GABRG1: variants seen among roughly 807,000 people sequenced by gnomAD.
The protein encoded by GABRG1 is gamma-aminobutyric acid type A receptor subunit gamma1, also known as gamma-aminobutyric acid receptor subunit gamma-1.
Under a neutral mutation model 49.8 loss-of-function variants are expected in GABRG1, and 49 were observed. The observed-to-expected ratio is 0.98, with a 90% CI of 0.78 to 1.25. The LOEUF is 1.25. Ranked by LOEUF, GABRG1 falls within the 50% of genes most tolerant of loss-of-function variation. GABRG1 has a pLI of 0.00. For synonymous variants in GABRG1, 232 were observed against 185.1 expected, an observed-to-expected ratio of 1.25 and a Z score of -2.06; for missense variants, 552 against 552.3, an observed-to-expected ratio of 1.00 and a Z score of 0.01.
At chr4:46,082,018 A>G (rs1577653825) in intron 3 of GABRG1, among the ~76,000 whole-genome samples, 1 of 151,960 alleles carries the variant, frequency 6.6e-6, no homozygotes, top group East Asian at 1.9e-4. Context: ...TGGCAACCCT[A>G]GTGAACAAAT....
chr4:46,118,719 A>G (rs1721008461), intron 1 of GABRG1, among the ~76,000 whole-genome samples: 3 of 151,226 alleles, frequency 2.0e-5, no homozygotes, highest in African/African-American at 7.3e-5. Flanking sequence ...TACTGAATGA[A>G]TTAATAGCTA....
At chr4:46,114,743 T>C (rs917347658) in intron 1 of GABRG1, among the ~76,000 whole-genome samples, 18 of 151,010 alleles carry the variant, frequency 1.2e-4, no homozygotes, top group African/African-American at 4.4e-4. Context: ...ATAACTGTGG[T>C]CCTTAATTTA....
At chr4:46,117,206 TTC>T (rs1263445906) in intron 1 of GABRG1, among the ~76,000 whole-genome samples, 1 of 150,562 alleles carries the variant, frequency 6.6e-6, no homozygotes, top group Non-Finnish European at 1.5e-5. Context: ...TGATCCTATA[TTC>T]TAGCTATAGG....
chr4:46,049,329 T>A lies in GABRG1; in HGVS notation c.1131+2095A>T, dbSNP rs151165581. On this transcript the variant is annotated intron_variant, in intron 8 of 8. Transcript: ENST00000295452. The stretch of plus-strand genomic sequence containing the variant: ...GATTTACCTGATTAGCAAGACCATA[T>A]GGCTGTACACTGAACCATGCAAGGA... Among the ~76,000 whole-genome samples, 4 of 152,030 alleles carry A rather than the reference T, an allele frequency of 2.6e-5. No homozygotes were observed. In the East Asian group the frequency reaches 7.8e-4, roughly 29 times the overall value.
chr4:46,065,632 G>C (rs1434609905), intron 3 of GABRG1, 48 bp from the exon 4 acceptor site: 1 of 876,718 alleles, frequency 1.1e-6, no homozygotes, highest in Non-Finnish European at 1.8e-6. Flanking sequence ...TACTATTTTA[G>C]TTGTTTTTCT....
intron 1 of GABRG1, among the ~76,000 whole-genome samples, chr4:46,117,550 GTCTCTCTCTCTCTC>G (rs373546541): frequency 8.6e-6 from 1 of 116,680 alleles, no homozygotes; most frequent in East Asian, 2.5e-4. Flanking sequence ...TGTTATCTCT[GTCTCTCTCTCTCTC>G]TCTCTCTCTC....
chr4:46,068,081 A>G (rs1718984033), intron 3 of GABRG1, among the ~76,000 whole-genome samples: 1 of 152,138 alleles, frequency 6.6e-6, no homozygotes, highest in Admixed American at 6.6e-5. Context: ...CAGTCTAACC[A>G]TGTAACCTAC....
intron 4 of GABRG1, among the ~76,000 whole-genome samples, chr4:46,065,154 T>A (rs1243228883): frequency 1.3e-5 from 2 of 152,130 alleles, no homozygotes; most frequent in African/African-American, 4.8e-5. Flanking sequence ...AATCAAAGAA[T>A]TTTTTCTCTT....
intron 7 of GABRG1, 92 bp from the exon 8 acceptor site, chr4:46,051,730 C>A: frequency 1.4e-6 from 1 of 703,806 alleles, no homozygotes; most frequent in Admixed American, 2.9e-5. Flanking sequence ...TGAAATTAAA[C>A]AATAGAAACA....
chr4:46,096,370 C>T (rs112042560), intron 2 of GABRG1, among the ~76,000 whole-genome samples: 24 of 151,452 alleles, frequency 1.6e-4, no homozygotes, highest in African/African-American at 4.1e-4. Flanking sequence ...GATAAAAGTA[C>T]GAAGGTAAAA....
intron 2 of GABRG1, among the ~76,000 whole-genome samples, chr4:46,088,458 T>C (rs1282851381): frequency 6.6e-6 from 1 of 151,916 alleles, no homozygotes; most frequent in Admixed American, 6.6e-5. Flanking sequence ...GTTCTGACTT[T>C]TACAAAATGT....
At chr4:46,060,045 C>A (rs36060729) in intron 5 of GABRG1, among the ~76,000 whole-genome samples, 5 of 151,942 alleles carry the variant, frequency 3.3e-5, no homozygotes, top group Admixed American at 6.6e-5. Flanking sequence ...CTGTCTAGAA[C>A]GGAGGTCTAT....
intron 3 of GABRG1, among the ~76,000 whole-genome samples, chr4:46,067,911 C>T (rs1718978150): frequency 6.6e-6 from 1 of 152,066 alleles, no homozygotes; most frequent in South Asian, 2.1e-4. Context: ...CACTGGTGTA[C>T]CTATTCTTTG....
chr4:46,044,192 G>C (rs1014245597), intron 8 of GABRG1, among the ~76,000 whole-genome samples: 6 of 152,076 alleles, frequency 3.9e-5, no homozygotes, highest in Admixed American at 2.0e-4. Flanking sequence ...ACAGGAGAAG[G>C]CTGGGCACGT....
chr4:46,114,120 G>T (rs1720807054), intron 1 of GABRG1, among the ~76,000 whole-genome samples: 1 of 150,854 alleles, frequency 6.6e-6, no homozygotes, highest in African/African-American at 2.4e-5. Context: ...TCCTTTCTAG[G>T]GTTGTAGCTC....
At chr4:46,076,572 A>G (rs1280591985) in intron 3 of GABRG1, among the ~76,000 whole-genome samples, 1 of 151,360 alleles carries the variant, frequency 6.6e-6, no homozygotes, top group Non-Finnish European at 1.5e-5. Context: ...AGTGACTTGG[A>G]GCAGCCAGTT....
At chr4:46,100,907 A>G (rs1720359279) in intron 1 of GABRG1, among the ~76,000 whole-genome samples, 1 of 151,286 alleles carries the variant, frequency 6.6e-6, no homozygotes, top group Non-Finnish European at 1.5e-5. Context: ...CATTATAGGT[A>G]ATTTATCTAC....
intron 2 of GABRG1, among the ~76,000 whole-genome samples, chr4:46,088,933 G>A (rs775105956): frequency 5.3e-5 from 8 of 151,672 alleles, no homozygotes; most frequent in South Asian, 2.1e-4. Context: ...TTGGCAACCT[G>A]CTCTTGCTCC....
intron 8 of GABRG1, among the ~76,000 whole-genome samples, chr4:46,047,156 A>T (rs561699309): frequency 6.4e-4 from 97 of 152,198 alleles, no homozygotes; most frequent in African/African-American, 2.3e-3. Context: ...CTACTAAGAT[A>T]CTGAATATTA....
Sources: gnomAD v4.1 joint callset for allele counts (sites outside exome capture counted in the v4.1 genomes callset) on GRCh38, gnomAD v4.1.1 for gene constraint, MANE v1.5 for transcripts, NCBI Gene and HGNC (gene_info 2026-07-23, HGNC 2026-07-21) for gene names.